Variants in PLCL1 observed in about 807,000 individuals in gnomAD.
The protein encoded by PLCL1 is phospholipase C like 1 (inactive).
Under a neutral mutation model 84.4 loss-of-function variants are expected in PLCL1, and 41 were observed. That is an observed-to-expected ratio of 0.49 (90% CI 0.38 to 0.63). The LOEUF is 0.63. Among genes scored for constraint, PLCL1 ranks in the 30% least tolerant of loss-of-function variants. The pLI, the probability that PLCL1 is intolerant of heterozygous loss-of-function variation, is 0.00. For missense variants in PLCL1, 1,206 were observed against 1,367.8 expected (o/e 0.88, Z 1.87); for synonymous variants, 490 against 488.3 (o/e 1.00, Z -0.05).
intron 1 of PLCL1, among the ~76,000 whole-genome samples, chr2:197,962,723 C>T (rs1689648850): frequency 6.6e-6 from 1 of 151,938 alleles, no homozygotes; most frequent in Non-Finnish European, 1.5e-5. Flanking sequence ...CATTAATCAT[C>T]CCCACTCCCC....
At chr2:198,038,404 C>T (rs1249338668) in intron 1 of PLCL1, among the ~76,000 whole-genome samples, 1 of 152,106 alleles carries the variant, frequency 6.6e-6, no homozygotes, top group African/African-American at 2.4e-5. Flanking sequence ...AGTTAAAAAT[C>T]TAATTTCTCC....
At chr2:197,838,065 G>T (rs1691225325) in intron 1 of PLCL1, among the ~76,000 whole-genome samples, 1 of 152,152 alleles carries the variant, frequency 6.6e-6, no homozygotes, top group Admixed American at 6.5e-5. Flanking sequence ...CTCAGCAGCT[G>T]AAATTGATAG....
At chr2:197,954,606 A>G (rs1028801378) in intron 1 of PLCL1, among the ~76,000 whole-genome samples, 8 of 152,104 alleles carry the variant, frequency 5.3e-5, no homozygotes, top group African/African-American at 1.9e-4. Context: ...GCACTTGAGA[A>G]TAATAGTTTT....
intron 1 of PLCL1, among the ~76,000 whole-genome samples, chr2:197,889,899 T>C (rs1399291779): frequency 6.6e-6 from 1 of 152,188 alleles, no homozygotes; most frequent in Non-Finnish European, 1.5e-5. Context: ...TGTAGGTTTC[T>C]TATATAGTAT....
At chr2:197,890,917 T>C (rs1014609006) in intron 1 of PLCL1, among the ~76,000 whole-genome samples, 1 of 149,114 alleles carries the variant, frequency 6.7e-6, no homozygotes, top group Non-Finnish European at 1.5e-5. Flanking sequence ...CTATATATCC[T>C]GGGTATCCTT....
chr2:197,922,614 C>G (rs1157299257), intron 1 of PLCL1, among the ~76,000 whole-genome samples: 1 of 140,946 alleles, frequency 7.1e-6, no homozygotes. Flanking sequence ...CCTCACCTCC[C>G]GGACGGGGCG....
intron 1 of PLCL1, among the ~76,000 whole-genome samples, chr2:197,836,296 A>C (rs1285431219): frequency 6.6e-6 from 1 of 151,774 alleles, no homozygotes; most frequent in Non-Finnish European, 1.5e-5. Context: ...AAATACAAAA[A>C]ATTAGCCGGG....
At chr2:197,824,404 T>G (rs572976905) in intron 1 of PLCL1, among the ~76,000 whole-genome samples, 2 of 152,192 alleles carry the variant, frequency 1.3e-5, no homozygotes, top group African/African-American at 4.8e-5. Context: ...TGGTAAAATT[T>G]GTGCTATATG....
intron 4 of PLCL1, among the ~76,000 whole-genome samples, chr2:198,102,364 T>A (rs1693368141): frequency 6.6e-6 from 1 of 152,062 alleles, no homozygotes; most frequent in South Asian, 2.1e-4. Context: ...TCAGGGTCTT[T>A]CCGAGACTCA....
At chr2:197,940,344 A>G (rs1001069319) in intron 1 of PLCL1, among the ~76,000 whole-genome samples, 3 of 152,228 alleles carry the variant, frequency 2.0e-5, no homozygotes, top group African/African-American at 7.2e-5. Context: ...AGAAACTGAC[A>G]CTTTAATGAT....
In PLCL1 at chr2:198,149,551, A is replaced by G. The variant is rs1694595719; in HGVS notation, c.*2589A>G. On this transcript the variant is annotated 3_prime_UTR_variant, in exon 6 of 6. Coordinates refer to ENST00000428675, the MANE Select transcript of PLCL1 (RefSeq NM_006226.4). ...GTTTATTCTTAACATTTTAAACCAG[A>G]CTATTAACTCTTACCTTTATAACCA... is the stretch of plus-strand genomic sequence containing the variant. The G allele has an allele frequency of 6.6e-6, 1 of 152,258 alleles. No homozygotes were observed. Among genetic ancestry groups the G allele is most frequent in the Non-Finnish European group, 1.5e-5 (1 of 68,034 alleles). 9.4% of individuals were successfully genotyped at this position (152,258 alleles called of 1,614,324 possible).
In PLCL1 at chr2:197,976,583, G is replaced by T. The variant is rs533120681; in HGVS notation, c.241-107175G>T. ...CCTGCCTCAGCCTCCTGAGTAGCTGGGATTACAGGTGTGCACCACCATGCC... is the reference window on the plus strand; with the variant it reads ...CCTGCCTCAGCCTCCTGAGTAGCTGTGATTACAGGTGTGCACCACCATGCC... On this transcript the variant is annotated intron_variant, in intron 1 of 5. Transcript: ENST00000428675. 2.1e-4 allele frequency among the ~76,000 whole-genome samples: 32 copies of T among 152,200 alleles called. 1 individual carries two copies. Among genetic ancestry groups the T allele is most frequent in the African/African-American group, 7.7e-4 (32 of 41,528 alleles).
chr2:197,979,178 G>A (rs1163008905), intron 1 of PLCL1, among the ~76,000 whole-genome samples: 1 of 152,112 alleles, frequency 6.6e-6, no homozygotes, highest in African/African-American at 2.4e-5. Flanking sequence ...GAGGACATCC[G>A]GCTTCTGAGG....
intron 5 of PLCL1, among the ~76,000 whole-genome samples, chr2:198,125,051 C>T (rs907786886): frequency 2.0e-5 from 3 of 152,136 alleles, no homozygotes; most frequent in African/African-American, 7.2e-5. Flanking sequence ...AATGTTTCTG[C>T]ACTGCTGAAA....
intron 5 of PLCL1, among the ~76,000 whole-genome samples, chr2:198,139,762 T>A (rs1473296905): frequency 1.3e-5 from 2 of 152,260 alleles, no homozygotes; most frequent in East Asian, 3.9e-4. Context: ...ATTTGTTTGC[T>A]GGATAAGTGA....
Position 197,922,943 on chromosome 2 carries a change from G to A in PLCL1, c.240+117604G>A, listed in dbSNP as rs1488849296. The stretch of plus-strand genomic sequence containing the variant: ...TCCCTCCCAGATGGGGCGGCTGGCC[G>A]GGCGGGGGGCTGACCCCCCCACCTC... On this transcript the variant is annotated intron_variant, in intron 1 of 5. Transcript: ENST00000428675. Among the ~76,000 whole-genome samples the A allele has an allele frequency of 1.2e-4, 15 of 120,104 alleles. No homozygotes were observed. The East Asian group carries it at 2.7e-3, about 22-fold the overall frequency. The allele number at this position is 120,104 out of a possible 152,430, so 78.8% of individuals were successfully genotyped here.
intron 5 of PLCL1, among the ~76,000 whole-genome samples, chr2:198,105,601 G>GGTGTGT (rs72103336): frequency 0.32 from 45,796 of 143,572 alleles, 8,044 homozygotes; most frequent in South Asian, 0.4. Context: ...TAATTTGCCT[G>GGTGTGT]GTGTGTGTGT....
At chr2:198,032,931 T>C (rs540983951) in intron 1 of PLCL1, among the ~76,000 whole-genome samples, 11 of 152,166 alleles carry the variant, frequency 7.2e-5, no homozygotes, top group Non-Finnish European at 1.6e-4. Flanking sequence ...GTTTAAATGC[T>C]AAGAACTGGG....
chr2:197,860,505 G>A (rs1302929849), intron 1 of PLCL1, among the ~76,000 whole-genome samples: 1 of 152,152 alleles, frequency 6.6e-6, no homozygotes, highest in Non-Finnish European at 1.5e-5. Flanking sequence ...TAGTGTATAA[G>A]TGTTCCCTTT....
Sources: gnomAD v4.1 joint callset for allele counts (sites outside exome capture counted in the v4.1 genomes callset) on GRCh38, gnomAD v4.1.1 for gene constraint, MANE v1.5 for transcripts, NCBI Gene and HGNC (gene_info 2026-07-23, HGNC 2026-07-21) for gene names.